The following LARP1B variants were observed in gnomAD, a reference collection of about 807,000 sequenced individuals.
The protein encoded by LARP1B is la-related protein 1B.
LARP1B carries 76 observed loss-of-function variants against 114.2 expected under a neutral mutation model. The observed-to-expected ratio is 0.67, with a 90% confidence interval of 0.55 to 0.81. The LOEUF (loss-of-function observed/expected upper bound fraction) is 0.81, where lower values mean the gene tolerates loss of function less well. LARP1B is among the 30% of genes least tolerant of loss of function. LARP1B has a pLI of 0.00. For synonymous variants in LARP1B, 345 were observed against 348.0 expected, an observed-to-expected ratio of 0.99 and a Z score of 0.10; for missense variants, 1,014 against 1,075.8, an observed-to-expected ratio of 0.94 and a Z score of 0.80.
chr4:128,176,211 T>A (rs10014664), intron 12 of LARP1B, among the ~76,000 whole-genome samples: 57,214 of 141,610 alleles, frequency 0.4, 12,598 homozygotes, highest in African/African-American at 0.57. Context: ...TATTATATAT[T>A]TATATATAAA....
At chr4:128,142,473 G>C (rs371681403) in intron 11 of LARP1B, among the ~76,000 whole-genome samples, 3 of 151,736 alleles carry the variant, frequency 2.0e-5, no homozygotes, top group African/African-American at 7.3e-5. Context: ...AGGTGCCACA[G>C]TTCCATTATT....
chr4:128,195,305 CTTCG>C (rs1368749505), intron 15 of LARP1B, among the ~76,000 whole-genome samples: 1 of 152,100 alleles, frequency 6.6e-6, no homozygotes, highest in African/African-American at 2.4e-5. Context: ...TTAATTTTAT[CTTCG>C]TTCTTTCCTT....
At chr4:128,082,711 CCTTA>C (rs1016643886) in intron 5 of LARP1B, among the ~76,000 whole-genome samples, 22 of 151,232 alleles carry the variant, frequency 1.5e-4, no homozygotes, top group Middle Eastern at 3.4e-3. Flanking sequence ...TGTAGATATC[CCTTA>C]CTTTGGGTTT....
At chr4:128,207,447 A>G in intron 19 of LARP1B, 64 bp downstream of exon 19, 1 of 1,135,036 alleles carries the variant, frequency 8.8e-7, no homozygotes, top group Non-Finnish European at 1.2e-6. Flanking sequence ...CTTATCAGTG[A>G]CTTTTTAAGC....
In LARP1B at chr4:128,210,046, CACATTAA is replaced by C; in HGVS notation, c.2742_*3del. Reference sequence around the variant, plus strand: ...ATTTCACCGGAGTCCAGTGACAATTCACATTAAACAGTGCTGCCTGTGTCCTGTGGTC... The same window carrying C: ...ATTTCACCGGAGTCCAGTGACAATTCACAGTGCTGCCTGTGTCCTGTGGTC... On this transcript the variant is annotated frameshift_variant and stop_lost, in exon 20 of 20. Coordinates refer to ENST00000326639, the MANE Select transcript of LARP1B (RefSeq NM_018078.4). LOFTEE classifies it high-confidence loss of function. The C allele has an allele frequency of 1.2e-6, 2 of 1,613,918 alleles. No individual in the cohort carries two copies. Among genetic ancestry groups the C allele is most frequent in the Non-Finnish European group, 1.7e-6 (2 of 1,179,850 alleles).
intron 12 of LARP1B, among the ~76,000 whole-genome samples, chr4:128,165,312 T>C (rs970229798): frequency 6.6e-5 from 10 of 151,674 alleles, no homozygotes; most frequent in Non-Finnish European, 1.2e-4. Flanking sequence ...CTATAATGTC[T>C]AGTTTTTAAA....
chr4:128,075,342 C>G lies in LARP1B; in HGVS notation c.42+349C>G, dbSNP rs138009016. On this transcript the variant is annotated intron_variant, in intron 3 of 19. Coordinates refer to ENST00000326639, the MANE Select transcript of LARP1B (RefSeq NM_018078.4). ...AGCTCAAGTGATCCTCCTGCCTCAG[C>G]CTCCCAAAATGTTGAGATTACAGTA... is the stretch of plus-strand genomic sequence containing the variant. Among the ~76,000 whole-genome samples, 8 of 152,158 alleles carry G rather than the reference C, an allele frequency of 5.3e-5. No homozygotes were observed. In the East Asian group the frequency reaches 1.5e-3, roughly 29 times the overall value.
At chr4:128,144,239 C>T (rs1213691986) in intron 11 of LARP1B, among the ~76,000 whole-genome samples, 2 of 152,030 alleles carry the variant, frequency 1.3e-5, no homozygotes, top group African/African-American at 2.4e-5. Flanking sequence ...TGTTGTTTTC[C>T]CCTCTGGCTT....
chr4:128,110,676 C>CCAAAAAAAAA (rs1783783239), intron 9 of LARP1B, among the ~76,000 whole-genome samples: 1 of 32,430 alleles, frequency 3.1e-5, no homozygotes, highest in East Asian at 2.2e-3. Flanking sequence ...GACTCCGTCT[C>CCAAAAAAAAA]AAAAAAAAAA....
At chr4:128,073,824 C>G (rs1006580351) in intron 1 of LARP1B, among the ~76,000 whole-genome samples, 1 of 151,722 alleles carries the variant, frequency 6.6e-6, no homozygotes, top group African/African-American at 2.4e-5. Flanking sequence ...CTCCTGACTC[C>G]AGTGATCCGC....
intron 5 of LARP1B, among the ~76,000 whole-genome samples, chr4:128,089,161 A>T (rs995670910): frequency 1.3e-5 from 2 of 152,094 alleles, no homozygotes; most frequent in Admixed American, 6.6e-5. Flanking sequence ...GGTGGTGGTC[A>T]TGGATGATGC....
intron 9 of LARP1B, among the ~76,000 whole-genome samples, chr4:128,112,444 G>A (rs935263415): frequency 1.4e-5 from 2 of 142,908 alleles, no homozygotes. Context: ...ATAGATAACT[G>A]CATATAGCTA....
At chr4:128,140,884 C>T (rs565283130) in intron 11 of LARP1B, among the ~76,000 whole-genome samples, 187 of 146,130 alleles carry the variant, frequency 1.3e-3, no homozygotes, top group African/African-American at 4.4e-3. Flanking sequence ...GGCGTGATCT[C>T]GGCTCACTGC....
At chr4:128,107,473 CAG>C (rs1455633545) in intron 9 of LARP1B, 160 bp downstream of exon 9, 17 of 1,449,826 alleles carry the variant, frequency 1.2e-5, no homozygotes, top group Admixed American at 2.8e-5. Context: ...GCCTCACTCA[CAG>C]AGTTACAAAT....
intron 11 of LARP1B, among the ~76,000 whole-genome samples, chr4:128,157,260 G>T (rs1444003213): frequency 6.6e-6 from 1 of 152,130 alleles, no homozygotes; most frequent in Non-Finnish European, 1.5e-5. Flanking sequence ...CTTAATAGTA[G>T]ATCAGGACAG....
intron 11 of LARP1B, among the ~76,000 whole-genome samples, chr4:128,152,565 A>G (rs1345539892): frequency 6.7e-6 from 1 of 150,094 alleles, no homozygotes; most frequent in Non-Finnish European, 1.5e-5. Flanking sequence ...TTTATTTTTT[A>G]TTTTTATTTT....
intron 11 of LARP1B, among the ~76,000 whole-genome samples, chr4:128,146,629 G>A (rs1055688760): frequency 6.6e-5 from 10 of 152,142 alleles, no homozygotes; most frequent in Non-Finnish European, 1.0e-4. Context: ...GGTTTTTCTG[G>A]AGAGAAGGAG....
rs1324613703 is a variant in LARP1B, at chr4:128,091,094, G to A, written c.452G>A (p.Arg151Gln). ...AATATCCGAGGTTCCTTTAGAGGTCGAGGAAGAGGCCGAGGACGGGGAAGA... is the reference window on the plus strand; with the variant it reads ...AATATCCGAGGTTCCTTTAGAGGTCAAGGAAGAGGCCGAGGACGGGGAAGA... The part of the protein sequence containing the change: ...GGNIRGSFRG[R>Q]GRGRGRGRGR... Residue 151 changes from arginine (R) to glutamine (Q), a missense_variant, in exon 6 of 20, where the codon CGA (arginine) becomes CAA (glutamine). Physicochemically the swap from Arg to Gln is conservative, Grantham distance 43. Transcript: ENST00000326639. 14 of 1,613,814 alleles carry A rather than the reference G, an allele frequency of 8.7e-6. No homozygotes were observed. Among genetic ancestry groups the A allele is most frequent in the Non-Finnish European group, 1.1e-5 (13 of 1,179,784 alleles).
At chr4:128,123,478 A>G (rs1788636630) in intron 11 of LARP1B, 1 of 759,634 alleles carries the variant, frequency 1.3e-6, no homozygotes, top group African/African-American at 1.9e-5. Flanking sequence ...CTATCCCTTT[A>G]CCCAGCTTTG....
Sources: gnomAD v4.1 joint callset for allele counts (sites outside exome capture counted in the v4.1 genomes callset) on GRCh38, gnomAD v4.1.1 for gene constraint, MANE v1.5 for transcripts, NCBI Gene and HGNC (gene_info 2026-07-23, HGNC 2026-07-21) for gene names.